The following ZNF266 variants were observed in gnomAD, a reference collection of about 807,000 sequenced individuals.
The protein encoded by ZNF266 is zinc finger protein 1.
In ZNF266, 16 loss-of-function variants were observed where a neutral mutation model predicts 16.4. The ratio of observed to expected loss-of-function variants is 0.98; its 90% CI spans 0.66 to 1.48. The LOEUF (loss-of-function observed/expected upper bound fraction) is 1.48. ZNF266 is among the 40% of genes most tolerant of loss of function. ZNF266 has a pLI of 0.00. For missense variants in ZNF266, 738 were observed against 689.1 expected, an observed-to-expected ratio of 1.07 and a Z score of -0.79; for synonymous variants, 262 against 237.9, an observed-to-expected ratio of 1.10 and a Z score of -0.93.
In ZNF266 at chr19:9,413,599, A is replaced by G. The variant is rs766847711; in HGVS notation, c.1527T>C (p.Gly509=). The part of the protein sequence containing the change: ...GEKPFECLEC[G]KAFTHSSSLN... ...GACTGGAGGAATGCGTAAATGCTTTACCACATTCCAGGCACTCAAAGGGCT... is the reference window on the plus strand; with the variant it reads ...GACTGGAGGAATGCGTAAATGCTTTGCCACATTCCAGGCACTCAAAGGGCT... The change falls in exon 11 of 11, where the codon GGT becomes GGC. Residue 509 remains glycine, a synonymous_variant. Transcript: ENST00000592904. The G allele has an allele frequency of 1.2e-6, 2 of 1,613,976 alleles. No individual in the cohort carries two copies. Among genetic ancestry groups the G allele is most frequent in the Non-Finnish European group, 1.7e-6 (2 of 1,179,970 alleles).
chr19:9,413,755 G>C lies in ZNF266; in HGVS notation c.1371C>G (p.Ala457=), dbSNP rs746738733. The change falls in exon 11 of 11, where the codon GCC becomes GCG. Residue 457 remains alanine (A), a synonymous_variant. Transcript: ENST00000592904. ...YECKECGKAF[A]RSSRLSEHTR... is the part of the protein sequence containing the mutation. Reference sequence around the variant, plus strand: ...TATGTTCACTAAGGCGAGAGGATCTGGCAAAGGCCTTTCCACATTCCTTAC... The same window carrying C: ...TATGTTCACTAAGGCGAGAGGATCTCGCAAAGGCCTTTCCACATTCCTTAC... 1.2e-6 allele frequency: 2 copies of C among 1,614,010 alleles called. No individual in the cohort carries two copies. The highest frequency in any genetic ancestry group is 3.3e-5 in the Admixed American group (2 of 59,994).
intron 5 of ZNF266, among the ~76,000 whole-genome samples, chr19:9,425,351 T>A (rs920339361): frequency 6.6e-6 from 1 of 152,014 alleles, no homozygotes; most frequent in African/African-American, 2.4e-5. Flanking sequence ...AGTAGGAGGA[T>A]GCTTCTGACA....
At chr19:9,417,277 C>A (rs972451495) in intron 9 of ZNF266, among the ~76,000 whole-genome samples, 22 of 152,052 alleles carry the variant, frequency 1.4e-4, no homozygotes, top group Admixed American at 1.4e-3. Flanking sequence ...GACGAGTACT[C>A]AGGAGAATTA....
At position 9,414,284 on chromosome 19, in the gene ZNF266, C is replaced by T. The variant is rs199651511; in HGVS notation, c.842G>A (p.Cys281Tyr). 7.6e-5 allele frequency: 122 copies of T among 1,614,010 alleles called. No individual in the cohort carries two copies. The highest frequency in any genetic ancestry group is 5.9e-6 in the Non-Finnish European group (7 of 1,180,026). ...QTHRSEKPYK[C>Y]KECGKGFRYS... ...TCTAAATCCTTTTCCACATTCCTTA[C>T]ATTTGTAGGGTTTTTCTGACCTGTG... Residue 281 changes from cysteine to tyrosine, a missense_variant, in exon 11 of 11, where the codon TGT becomes TAT. Cys to Tyr is a radical substitution (Grantham distance 194). Coordinates refer to ENST00000592904, the MANE Select transcript of ZNF266 (RefSeq NM_001370374.1).
chr19:9,426,437 T>G (rs1469543545), intron 5 of ZNF266, among the ~76,000 whole-genome samples: 1 of 151,628 alleles, frequency 6.6e-6, no homozygotes, highest in Non-Finnish European at 1.5e-5. Flanking sequence ...TCTTTTCCTC[T>G]TATCAACCAG....
Position 9,435,288 on chromosome 19 carries a change from G to C in ZNF266, c.-562C>G, listed in dbSNP as rs990706235. 1.3e-5 allele frequency: 2 copies of C among 152,208 alleles called. No individual in the cohort carries two copies. Among genetic ancestry groups the C allele is most frequent in the African/African-American group, 4.8e-5 (2 of 41,452 alleles). The allele number at this position is 152,208 out of a possible 1,614,324, so 9.4% of individuals were successfully genotyped here. On this transcript the variant is annotated 5_prime_UTR_variant, in exon 1 of 11. It adds an upstream start codon to the 5' untranslated region. Coordinates refer to ENST00000592904, the MANE Select transcript of ZNF266 (RefSeq NM_001370374.1). The stretch of plus-strand genomic sequence containing the variant: ...ATCGTGAGGAAGCGCCCTTACGACA[G>C]ATCCCGAAACGGCTCCTGGCCCAGG...
chr19:9,413,468 T>A lies in ZNF266; in HGVS notation c.1658A>T (p.His553Leu). ...ACATTTGTAGGGTTTTTCTCCAGTG[T>A]GGATCCGCATGTGAAGGTTAACACA... ...PTCVNLHMRI[H>L]TGEKPYKCKQ... Residue 553 changes from histidine to leucine, a missense_variant, in exon 11 of 11, where the codon CAC becomes CTC. Transcript: ENST00000592904. The A allele has an allele frequency of 6.2e-7, 1 of 1,614,168 alleles. No individual in the cohort carries two copies. Among genetic ancestry groups the A allele is most frequent in the Non-Finnish European group, 8.5e-7 (1 of 1,180,020 alleles).
intron 2 of ZNF266, 32 bp downstream of exon 2, chr19:9,435,076 C>T (rs1247351425): frequency 2.6e-5 from 4 of 152,174 alleles, no homozygotes; most frequent in Admixed American, 6.5e-5. Context: ...GAGGAAGAAG[C>T]CCCCGAAACC....
rs1599596498 is a variant in ZNF266, at chr19:9,434,811, T to C, written c.-423A>G. On this transcript the variant is annotated 5_prime_UTR_variant, in exon 3 of 11. An upstream start codon of the reference 5' UTR is lost. Transcript: ENST00000592904. ...TGTTCAACTTACTTCAAAGCCTCCATTCCTTCTTCCTAAAAGCCCGTTTTG... is the reference window on the plus strand; with the variant it reads ...TGTTCAACTTACTTCAAAGCCTCCACTCCTTCTTCCTAAAAGCCCGTTTTG... The C allele has an allele frequency of 7.4e-6, 1 of 135,706 alleles. No homozygotes were observed. Among genetic ancestry groups the C allele is most frequent in the South Asian group, 2.4e-4 (1 of 4,126 alleles). The allele number at this position is 135,706 out of a possible 1,614,324, so 8.4% of individuals were successfully genotyped here.
chr19:9,429,315 A>T (rs1209522816), intron 5 of ZNF266, among the ~76,000 whole-genome samples: 1 of 152,142 alleles, frequency 6.6e-6, no homozygotes, highest in Non-Finnish European at 1.5e-5. Flanking sequence ...AGATTGTCCC[A>T]GAGGCCCGGC....
At chr19:9,427,501 A>ATT (rs576978370) in intron 5 of ZNF266, among the ~76,000 whole-genome samples, 13 of 151,438 alleles carry the variant, frequency 8.6e-5, no homozygotes, top group South Asian at 2.1e-4. Context: ...ATATATATAT[A>ATT]TTTTAAGTAG....
chr19:9,430,373 T>C (rs200617931), intron 5 of ZNF266, among the ~76,000 whole-genome samples: 2 of 78,452 alleles, frequency 2.5e-5, no homozygotes, highest in Non-Finnish European at 5.7e-5. Context: ...TTTAAAGACC[T>C]TTCCTGAACT....
intron 5 of ZNF266, among the ~76,000 whole-genome samples, chr19:9,431,393 G>C (rs539579699): frequency 1.3e-5 from 2 of 150,018 alleles, no homozygotes; most frequent in East Asian, 1.9e-4. Context: ...TTGATGGCTT[G>C]TGTCCCTCAT....
intron 9 of ZNF266, among the ~76,000 whole-genome samples, chr19:9,417,181 G>T (rs536837466): frequency 2.0e-5 from 3 of 150,828 alleles, no homozygotes; most frequent in Non-Finnish European, 4.4e-5. Flanking sequence ...GACCAGCGTG[G>T]CCAATGTGGT....
rs141345675 is a variant in ZNF266, at chr19:9,414,292, G to C, written c.834C>G (p.Pro278=). 687 of 1,614,062 alleles carry C rather than the reference G, an allele frequency of 4.3e-4. 2 individuals carry two copies. The African/African-American group carries it at 7.4e-3, about 17-fold the overall frequency. Residue 278 remains proline, a synonymous_variant, in exon 11 of 11, where the codon CCC becomes CCG. Transcript: ENST00000592904. ...CTTTTCCACATTCCTTACATTTGTA[G>C]GGTTTTTCTGACCTGTGAGTTTGTA... ...VRIQTHRSEK[P]YKCKECGKGF...
At position 9,413,958 on chromosome 19, in the gene ZNF266, G is replaced by C. The variant is rs267605821; in HGVS notation, c.1168C>G (p.Pro390Ala). 1.9e-6 allele frequency: 3 copies of C among 1,614,148 alleles called. No individual in the cohort carries two copies. Among genetic ancestry groups the C allele is most frequent in the Non-Finnish European group, 2.5e-6 (3 of 1,180,030 alleles). ...EHLKTHTAKD[P>A]FECKICGKSF... Reference sequence around the variant, plus strand: ...TTTCCACATATCTTACATTCAAAGGGATCCTTTGCAGTGTGAGTTTTTAAA... The same window carrying C: ...TTTCCACATATCTTACATTCAAAGGCATCCTTTGCAGTGTGAGTTTTTAAA... Residue 390 changes from proline (P) to alanine (A), a missense_variant, in exon 11 of 11, where the codon CCC (proline) becomes GCC (alanine). Physicochemically the swap from Pro to Ala is conservative, Grantham distance 27 (BLOSUM62 -1). Coordinates refer to ENST00000592904, the MANE Select transcript of ZNF266 (RefSeq NM_001370374.1).
At chr19:9,425,021 T>C (rs2070522759) in intron 5 of ZNF266, among the ~76,000 whole-genome samples, 1 of 152,220 alleles carries the variant, frequency 6.6e-6, no homozygotes, top group African/African-American at 2.4e-5. Context: ...TTTGTCTTAG[T>C]TAAAACTTCC....
chr19:9,420,726 G>A (rs1428328397), intron 5 of ZNF266: 1 of 150,880 alleles, frequency 6.6e-6, no homozygotes, highest in Non-Finnish European at 1.5e-5. Context: ...CGGCACTCCA[G>A]CCTGGCAACA....
chr19:9,416,237 G>GTT (rs2068959313), intron 9 of ZNF266, among the ~76,000 whole-genome samples: 1 of 151,960 alleles, frequency 6.6e-6, no homozygotes, highest in African/African-American at 2.4e-5. Flanking sequence ...ATTTTACATA[G>GTT]TTTACTACAA....
Sources: gnomAD v4.1 joint callset for allele counts (sites outside exome capture counted in the v4.1 genomes callset) on GRCh38, gnomAD v4.1.1 for gene constraint, MANE v1.5 for transcripts, NCBI Gene and HGNC (gene_info 2026-07-23, HGNC 2026-07-21) for gene names.